The following ADGRL4 variants were observed in gnomAD, a reference collection of about 807,000 sequenced individuals.
The protein encoded by ADGRL4 is EGF, latrophilin and seven transmembrane domain containing 1.
In ADGRL4, 90 loss-of-function variants were observed where a neutral mutation model predicts 74.8. The observed-to-expected ratio is 1.20, with a 90% CI of 1.02 to 1.43. The LOEUF is 1.43. ADGRL4 is among the 40% of genes most tolerant of loss of function. ADGRL4 has a pLI of 0.00. For synonymous variants in ADGRL4, 311 were observed against 279.2 expected, an observed-to-expected ratio of 1.11 and a Z score of -1.14; for missense variants, 881 against 814.3, an observed-to-expected ratio of 1.08 and a Z score of -1.00.
At chr1:78,945,101 G>T (rs1197576875) in intron 3 of ADGRL4, among the ~76,000 whole-genome samples, 1 of 150,114 alleles carries the variant, frequency 6.7e-6, no homozygotes, top group Non-Finnish European at 1.5e-5. Context: ...GGAGGCAGAG[G>T]TTGCAGTGAG....
intron 12 of ADGRL4, among the ~76,000 whole-genome samples, chr1:78,896,229 A>G (rs1428531349): frequency 6.6e-6 from 1 of 152,092 alleles, no homozygotes; most frequent in Non-Finnish European, 1.5e-5. Flanking sequence ...TCTCTATAGA[A>G]TACTTTTTGT....
At position 78,981,710 on chromosome 1, in the gene ADGRL4, T is replaced by C. The variant is rs376440148; in HGVS notation, c.172+23360A>G. ...AGAAATAAATAAAGTTCTATTTTTA[T>C]GTCTTGGTTTACCCCAGTTTTATAA... On this transcript the variant is annotated intron_variant, in intron 2 of 14. Transcript: ENST00000370742. Among the ~76,000 whole-genome samples, 27 of 152,054 alleles carry C rather than the reference T, an allele frequency of 1.8e-4. No individual in the cohort carries two copies. In the East Asian group the frequency reaches 5.2e-3, roughly 29 times the overall value.
chr1:78,899,774 T>TA, intron 12 of ADGRL4, among the ~76,000 whole-genome samples: 1 of 152,110 alleles, frequency 6.6e-6, no homozygotes, highest in South Asian at 2.1e-4. Context: ...TTTTTTTTTT[T>TA]AACCATTTCC....
intron 2 of ADGRL4, among the ~76,000 whole-genome samples, chr1:78,958,516 A>G (rs114001171): frequency 0.039 from 5,947 of 152,252 alleles, 154 homozygotes; most frequent in Middle Eastern, 0.058. Context: ...GGAGGAAGTA[A>G]CTGCGGACGT....
intron 2 of ADGRL4, among the ~76,000 whole-genome samples, chr1:78,983,268 A>G (rs187282688): frequency 2.2e-4 from 33 of 152,004 alleles, no homozygotes; most frequent in Admixed American, 2.0e-3. Flanking sequence ...AGTGAGAATC[A>G]GCAGAAAGAA....
At chr1:79,001,217 G>A (rs1650836583) in intron 2 of ADGRL4, among the ~76,000 whole-genome samples, 1 of 93,148 alleles carries the variant, frequency 1.1e-5, no homozygotes, top group Non-Finnish European at 2.4e-5. Context: ...AAGGGAGGAA[G>A]GGAGAGAGGG....
intron 2 of ADGRL4, among the ~76,000 whole-genome samples, chr1:78,976,893 T>C (rs1157008481): frequency 1.3e-5 from 2 of 151,652 alleles, no homozygotes; most frequent in East Asian, 1.9e-4. Flanking sequence ...TCCCAAAATA[T>C]TGAAGAGAAG....
chr1:78,891,405 A>C (rs765711623), intron 14 of ADGRL4, 119 bp downstream of exon 14: 4 of 1,247,624 alleles, frequency 3.2e-6, no homozygotes, highest in Non-Finnish European at 4.4e-6. Context: ...ATGAACAGCT[A>C]GGCGATTTAG....
rs1045901227 is a variant in ADGRL4 at position 78,890,343 on chromosome 1, A to T, written c.*811T>A. 1.3e-5 allele frequency: 2 copies of T among 152,182 alleles called. No individual in the cohort carries two copies. Among genetic ancestry groups the T allele is most frequent in the African/African-American group, 4.8e-5 (2 of 41,454 alleles). 9.4% of individuals were successfully genotyped at this position (152,182 alleles called of 1,614,324 possible). On this transcript the variant is annotated 3_prime_UTR_variant, in exon 15 of 15. Coordinates refer to ENST00000370742, the MANE Select transcript of ADGRL4 (RefSeq NM_022159.4). ...ACACTGTTTTTACATTGATAGGTAT[A>T]AACAATATTATATCTTGACACATTT...
intron 1 of ADGRL4, among the ~76,000 whole-genome samples, 189 bp downstream of exon 1, chr1:79,006,444 C>G (rs1048736565): frequency 6.6e-6 from 1 of 152,138 alleles, no homozygotes; most frequent in African/African-American, 2.4e-5. Flanking sequence ...ATTCCCTGGA[C>G]CTTGGAATAT....
In ADGRL4 at chr1:78,936,166, T is replaced by C. The variant is rs566517216; in HGVS notation, c.877+129A>G. 48 of 726,042 alleles carry C rather than the reference T, an allele frequency of 6.6e-5. 2 individuals are homozygous for C. In the African/African-American group the frequency reaches 7.9e-4, roughly 12 times the overall value. The allele number at this position is 726,042 out of a possible 1,614,324, so 45.0% of individuals were successfully genotyped here. A position where few individuals can be genotyped will look rare whatever the true frequency, so the allele number is the denominator to read the frequency against. ...AAAAAAAGAATATGGATATTCTGTA[T>C]ACTGTACATACATCAAATGTTTTTA... On this transcript the variant is annotated intron_variant, in intron 7 of 14. Coordinates refer to ENST00000370742, the MANE Select transcript of ADGRL4 (RefSeq NM_022159.4).
At chr1:78,918,105 A>G in intron 10 of ADGRL4, 55 bp from the exon 11 acceptor site, 5 of 1,399,246 alleles carry the variant, frequency 3.6e-6, no homozygotes, top group Non-Finnish European at 5.0e-6. Flanking sequence ...TAAAATTATC[A>G]TAACATACAA....
rs539867428 is a variant in ADGRL4, at chr1:78,895,867, A to G, written c.1750-2678T>C. On this transcript the variant is annotated intron_variant, in intron 12 of 14. Transcript: ENST00000370742. ...GCTTTCTCCTTAAAGAACCTATAGT[A>G]TGCTGGAGGAGATGACCAGAAAACA... Among the ~76,000 whole-genome samples the G allele has an allele frequency of 7.2e-5, 11 of 152,180 alleles. No homozygotes were observed. In the South Asian group the frequency reaches 1.9e-3, roughly 26 times the overall value.
intron 2 of ADGRL4, among the ~76,000 whole-genome samples, chr1:78,984,849 G>A (rs1178378106): frequency 3.3e-5 from 5 of 151,630 alleles, no homozygotes; most frequent in Admixed American, 2.6e-4. Context: ...ATTACCGTGG[G>A]ACTCATGGTA....
chr1:78,901,479 T>C (rs946054059), intron 12 of ADGRL4, among the ~76,000 whole-genome samples: 3 of 152,128 alleles, frequency 2.0e-5, no homozygotes, highest in African/African-American at 7.2e-5. Context: ...ACATAAAGGA[T>C]TGAACCCAGA....
chr1:78,994,904 C>A (rs1650683187), intron 2 of ADGRL4, among the ~76,000 whole-genome samples: 1 of 152,154 alleles, frequency 6.6e-6, no homozygotes, highest in African/African-American at 2.4e-5. Context: ...GAGACTACTG[C>A]CTGTCTGATC....
At chr1:78,898,123 T>G (rs76770906) in intron 12 of ADGRL4, among the ~76,000 whole-genome samples, 8 of 152,074 alleles carry the variant, frequency 5.3e-5, no homozygotes, top group Non-Finnish European at 1.2e-4. Context: ...AAAAGGAGGA[T>G]AAAGAATTAG....
intron 2 of ADGRL4, among the ~76,000 whole-genome samples, chr1:79,000,037 A>G (rs1254099405): frequency 6.6e-6 from 1 of 152,126 alleles, no homozygotes; most frequent in Non-Finnish European, 1.5e-5. Flanking sequence ...TTTGCATAAC[A>G]TTTTTATTCT....
At chr1:78,925,344 G>A (rs1442123421) in intron 8 of ADGRL4, among the ~76,000 whole-genome samples, 3 of 151,894 alleles carry the variant, frequency 2.0e-5, no homozygotes, top group African/African-American at 7.3e-5. Context: ...CATTAAATGC[G>A]CTCATTTTTT....
Sources: allele counts gnomAD v4.1 joint callset (sites outside exome capture counted in the v4.1 genomes callset), GRCh38; gene constraint gnomAD v4.1.1; transcripts MANE v1.5; gene names NCBI Gene and HGNC (gene_info 2026-07-23, HGNC 2026-07-21).